The following ADAMTS9 variants were observed in gnomAD, a reference collection of about 807,000 sequenced individuals.
ADAMTS9 encodes ADAM metallopeptidase with thrombospondin type 1 motif 9.
ADAMTS9 carries 107 observed loss-of-function variants against 257.1 expected under a neutral mutation model. The ratio of observed to expected loss-of-function variants is 0.42; its 90% confidence interval spans 0.36 to 0.49. The LOEUF (loss-of-function observed/expected upper bound fraction) is 0.49, where lower values mean the gene tolerates loss of function less well. Ranked by LOEUF, ADAMTS9 falls within the 20% of genes least tolerant of loss-of-function variation. The pLI, the probability that ADAMTS9 is intolerant of heterozygous loss-of-function variation, is 0.03. For synonymous variants in ADAMTS9, 982 were observed against 880.9 expected, an observed-to-expected ratio of 1.11 and a Z score of -2.03; for missense variants, 2,353 against 2,469.1, an observed-to-expected ratio of 0.95 and a Z score of 1.00.
intron 16 of ADAMTS9, among the ~76,000 whole-genome samples, chr3:64,626,870 C>T (rs532252001): frequency 1.3e-5 from 2 of 152,262 alleles, no homozygotes; most frequent in African/African-American, 4.8e-5. Flanking sequence ...CTGACAACCT[C>T]GTCTTGCCTG....
At chr3:64,650,243 A>G (rs1559810647) in intron 9 of ADAMTS9, 1 of 152,746 alleles carries the variant, frequency 6.5e-6, no homozygotes, top group Non-Finnish European at 1.5e-5. Flanking sequence ...AACAACAGCA[A>G]CCCTCTGGTT....
intron 3 of ADAMTS9, among the ~76,000 whole-genome samples, chr3:64,665,762 G>T (rs1381215782): frequency 6.6e-6 from 1 of 152,216 alleles, no homozygotes; most frequent in Non-Finnish European, 1.5e-5. Context: ...AAAACCAGAA[G>T]TGCTGAGGGC....
rs764821337 is a variant in ADAMTS9 at position 64,654,358 on chromosome 3, G to A, written c.1311C>T (p.Gly437=). 1.2e-6 allele frequency: 2 copies of A among 1,613,300 alleles called. No homozygotes were observed. The highest frequency in any genetic ancestry group is 1.7e-6 in the Non-Finnish European group (2 of 1,179,664). ...STAFTIAHEL[G]HVFNMPHDDN... ...ATTACTGAAAGGTAACTCACACATGGCCCAGCTCATGGGCGATCGTAAAAG... is the reference window on the plus strand; with the variant it reads ...ATTACTGAAAGGTAACTCACACATGACCCAGCTCATGGGCGATCGTAAAAG... The change falls in exon 8 of 40, where the codon GGC becomes GGT. Residue 437 remains glycine (G), a synonymous_variant. Transcript: ENST00000498707.
In ADAMTS9 at chr3:64,631,747, G is replaced by C. The variant is rs9882622; in HGVS notation, c.2293+61C>G. The C allele has an allele frequency of 0.25, 360,985 of 1,450,028 alleles. 48,764 individuals are homozygous for C. Among genetic ancestry groups the C allele is most frequent in the African/African-American group, 0.28 (20,078 of 71,104 alleles). 89.8% of individuals were successfully genotyped at this position (1,450,028 alleles called of 1,614,324 possible). On this transcript the variant is annotated intron_variant, in intron 15 of 39. Transcript: ENST00000498707. The stretch of plus-strand genomic sequence containing the variant: ...TTAATATTTTTGCATATTACATGTG[G>C]TTAACAATTTTCAAACTTTGACCAT...
intron 30 of ADAMTS9, among the ~76,000 whole-genome samples, chr3:64,554,265 T>C (rs570921022): frequency 6.6e-6 from 1 of 152,318 alleles, no homozygotes; most frequent in African/African-American, 2.4e-5. Flanking sequence ...TTGCCAGCGG[T>C]GGAAAGGGGA....
intron 8 of ADAMTS9, among the ~76,000 whole-genome samples, chr3:64,651,801 A>T (rs902836538): frequency 1.3e-5 from 2 of 152,182 alleles, no homozygotes; most frequent in African/African-American, 4.8e-5. Flanking sequence ...AAATAGTTTC[A>T]TGCTTCATGC....
intron 12 of ADAMTS9, among the ~76,000 whole-genome samples, chr3:64,640,119 TA>T (rs1339702593): frequency 6.6e-6 from 1 of 152,208 alleles, no homozygotes; most frequent in Non-Finnish European, 1.5e-5. Context: ...TATTCATTTT[TA>T]TCCATAGCTA....
chr3:64,621,326 T>C (rs1700098502), intron 18 of ADAMTS9, 86 bp from the exon 19 acceptor site: 15 of 1,424,376 alleles, frequency 1.1e-5, no homozygotes, highest in Non-Finnish European at 1.3e-5. Context: ...GCATTTTCTC[T>C]AAAGAGCCAG....
Position 64,585,829 on chromosome 3 carries a change from C to G in ADAMTS9, c.4356+8429G>C, listed in dbSNP as rs1160672483. On this transcript the variant is annotated intron_variant, in intron 28 of 39. Transcript: ENST00000498707. ...TCTTCTGAAAACCCCAAATCTTGCT[C>G]TTTTACTTGGTTTGAGACAATTTTC... Among the ~76,000 whole-genome samples the G allele has an allele frequency of 2.6e-5, 4 of 152,100 alleles. No individual in the cohort carries two copies. The East Asian group carries it at 7.7e-4, about 29-fold the overall frequency.
At chr3:64,599,457 C>G (rs147198415) in intron 26 of ADAMTS9, among the ~76,000 whole-genome samples, 2 of 152,156 alleles carry the variant, frequency 1.3e-5, no homozygotes, top group African/African-American at 4.8e-5. Flanking sequence ...CAAAGGGAGA[C>G]AGATATTTGT....
intron 30 of ADAMTS9, among the ~76,000 whole-genome samples, chr3:64,555,658 C>A (rs374680066): frequency 6.6e-6 from 1 of 152,158 alleles, no homozygotes; most frequent in Admixed American, 6.5e-5. Flanking sequence ...GGAAACACAA[C>A]GGGGCAATTC....
At chr3:64,592,813 G>T (rs1054530688) in intron 28 of ADAMTS9, 3 of 151,636 alleles carry the variant, frequency 2.0e-5, no homozygotes, top group East Asian at 3.9e-4. Context: ...CTACGACTTT[G>T]TGGACAGCTA....
intron 22 of ADAMTS9, among the ~76,000 whole-genome samples, chr3:64,608,324 TAC>T (rs1576112364): frequency 8.7e-6 from 1 of 114,998 alleles, no homozygotes; most frequent in Non-Finnish European, 1.8e-5. Flanking sequence ...ATAAATGAAA[TAC>T]AGAGTAGAAG....
intron 21 of ADAMTS9, among the ~76,000 whole-genome samples, chr3:64,614,074 C>G (rs2084716142): frequency 6.6e-6 from 1 of 152,130 alleles, no homozygotes; most frequent in Admixed American, 6.5e-5. Context: ...GACCCAAAAT[C>G]TCGCTACCCA....
intron 20 of ADAMTS9, 23 bp from the exon 21 acceptor site, chr3:64,615,508 T>C (rs1171178229): frequency 6.3e-7 from 1 of 1,586,154 alleles, no homozygotes; most frequent in East Asian, 2.2e-5. Context: ...AATAAATAAA[T>C]AAAACTGTTG....
intron 16 of ADAMTS9, among the ~76,000 whole-genome samples, chr3:64,628,732 G>A (rs1559799814): frequency 6.6e-6 from 1 of 152,168 alleles, no homozygotes; most frequent in Non-Finnish European, 1.5e-5. Context: ...GAAAGAAGAG[G>A]TGAATGTACA....
intron 8 of ADAMTS9, among the ~76,000 whole-genome samples, chr3:64,653,006 T>C (rs1301698525): frequency 1.3e-5 from 2 of 152,202 alleles, no homozygotes; most frequent in East Asian, 3.9e-4. Flanking sequence ...ATTCCTTGCT[T>C]AAACTTGAGT....
intron 21 of ADAMTS9, chr3:64,615,004 T>C (rs2084734940): frequency 4.2e-6 from 1 of 235,822 alleles, no homozygotes; most frequent in Admixed American, 5.5e-5. Flanking sequence ...AATAAATCCA[T>C]GATTTCCTTT....
intron 28 of ADAMTS9, among the ~76,000 whole-genome samples, chr3:64,581,214 T>C (rs901759970): frequency 6.6e-6 from 1 of 152,160 alleles, no homozygotes; most frequent in Non-Finnish European, 1.5e-5. Flanking sequence ...TGGGCACCTA[T>C]ATGTGCCACA....
Sources: gnomAD v4.1 joint callset for allele counts (sites outside exome capture counted in the v4.1 genomes callset) on GRCh38, gnomAD v4.1.1 for gene constraint, MANE v1.5 for transcripts, NCBI Gene and HGNC (gene_info 2026-07-23, HGNC 2026-07-21) for gene names.